Variants in JAK1 observed in about 807,000 individuals in gnomAD.
The protein encoded by JAK1 is Janus kinase 1.
JAK1 carries 16 observed loss-of-function variants against 136.6 expected under a neutral mutation model. That is an observed-to-expected ratio of 0.12 (90% CI 0.08 to 0.18). JAK1 has a LOEUF of 0.18. JAK1 is among the 10% of genes least tolerant of loss of function. The pLI is 1.00. For missense variants in JAK1, 859 were observed against 1,450.1 expected, an observed-to-expected ratio of 0.59 and a Z score of 6.62; for synonymous variants, 492 against 519.5, an observed-to-expected ratio of 0.95 and a Z score of 0.72.
At chr1:64,848,729 G>A (rs1446299223) in intron 12 of JAK1, among the ~76,000 whole-genome samples, 4 of 152,150 alleles carry the variant, frequency 2.6e-5, no homozygotes, top group Non-Finnish European at 4.4e-5. Flanking sequence ...CACAAAACTT[G>A]TAAACTGAAG....
intron 1 of JAK1, among the ~76,000 whole-genome samples, chr1:64,890,713 G>A (rs1342898436): frequency 2.0e-5 from 3 of 152,170 alleles, no homozygotes; most frequent in Non-Finnish European, 2.9e-5. Flanking sequence ...AGGTATTGAC[G>A]CAATATAAAA....
chr1:64,927,276 C>T (rs1331055549), intron 1 of JAK1, among the ~76,000 whole-genome samples: 3 of 152,198 alleles, frequency 2.0e-5, no homozygotes, highest in Non-Finnish European at 4.4e-5. Flanking sequence ...CCTCAGGGCA[C>T]TTATGACAGC....
At position 64,833,338 on chromosome 1, in the gene JAK1, G is replaced by T. The variant is rs568965650; in HGVS notation, c.*1224C>A. The T allele has an allele frequency of 2.1e-5, 5 of 232,644 alleles. No homozygotes were observed. Among genetic ancestry groups the T allele is most frequent in the African/African-American group, 1.1e-4 (5 of 45,362 alleles). 14.4% of individuals were successfully genotyped at this position (232,644 alleles called of 1,614,324 possible). A position where few individuals can be genotyped will look rare whatever the true frequency, so the allele number is the denominator to read the frequency against. On this transcript the variant is annotated 3_prime_UTR_variant, in exon 25 of 25. Coordinates refer to ENST00000342505, the MANE Select transcript of JAK1 (RefSeq NM_002227.4). The stretch of plus-strand genomic sequence containing the variant: ...ATGTAGGCTATGAACAAATTTAAAT[G>T]GCAACTTCATTGCTGCCACTGAACC...
At chr1:64,865,520 A>C (rs995358828) in intron 7 of JAK1, among the ~76,000 whole-genome samples, 28 of 152,352 alleles carry the variant, frequency 1.8e-4, no homozygotes, top group African/African-American at 6.7e-4. Flanking sequence ...TGAGCCCTGG[A>C]GACCAGAGAT....
At chr1:65,026,489 C>T (rs1646978655) in intron 2 of JAK1, among the ~76,000 whole-genome samples, 1 of 152,112 alleles carries the variant, frequency 6.6e-6, no homozygotes, top group African/African-American at 2.4e-5. Flanking sequence ...AAGCACGCTG[C>T]CCCCCTGGAT....
intron 1 of JAK1, among the ~76,000 whole-genome samples, chr1:64,906,482 A>T (rs1645192580): frequency 6.6e-6 from 1 of 152,054 alleles, no homozygotes; most frequent in Non-Finnish European, 1.5e-5. Flanking sequence ...TTGTAGAAGC[A>T]AAACCCCCCA....
rs539015430 is a variant in JAK1, at chr1:64,984,634, G to A, written c.-78+59846C>T. ...GACATTGGTGGTGGTCTCCTTAGCAGGCTGGATACTGTTCATCTCCATGAC... is the reference window on the plus strand; with the variant it reads ...GACATTGGTGGTGGTCTCCTTAGCAAGCTGGATACTGTTCATCTCCATGAC... On this transcript the variant is annotated intron_variant, in intron 2 of 25. Coordinates refer to the JAK1 transcript ENST00000671954. The surrounding 1 kb of genome is among the most constrained non-coding windows in gnomAD (Gnocchi z 4.1). 4 of 502,018 alleles carry A rather than the reference G, an allele frequency of 8.0e-6. No individual in the cohort carries two copies. The highest frequency in any genetic ancestry group is 1.5e-5 in the Non-Finnish European group (4 of 263,796). 31.1% of individuals were successfully genotyped at this position (502,018 alleles called of 1,614,324 possible). A position where few individuals can be genotyped will look rare whatever the true frequency, so the allele number is the denominator to read the frequency against.
At chr1:64,866,625 CTAT>C (rs1322421904) in intron 7 of JAK1, among the ~76,000 whole-genome samples, 1 of 152,128 alleles carries the variant, frequency 6.6e-6, no homozygotes, top group South Asian at 2.1e-4. Flanking sequence ...GAACTATCTG[CTAT>C]TATTATTATA....
chr1:65,039,114 A>G (rs1252656744), intron 2 of JAK1, among the ~76,000 whole-genome samples: 1 of 152,224 alleles, frequency 6.6e-6, no homozygotes, highest in East Asian at 1.9e-4. Flanking sequence ...ACACACATAC[A>G]TATTAACCTC....
intron 9 of JAK1, 124 bp downstream of exon 9, chr1:64,859,981 G>T: frequency 1.3e-6 from 1 of 765,706 alleles, no homozygotes; most frequent in Non-Finnish European, 2.0e-6. Context: ...GAGGAAAGGA[G>T]GACAGCCAAC....
intron 1 of JAK1, among the ~76,000 whole-genome samples, chr1:64,897,509 AG>A (rs1557673513): frequency 0.026 from 5 of 190 alleles, no homozygotes; most frequent in Non-Finnish European, 0.04. Context: ...AGGAGGGGGG[AG>A]GGGGAGGGGG....
At chr1:64,879,188 G>C in intron 3 of JAK1, 40 bp from the exon 4 acceptor site, 1 of 1,611,132 alleles carries the variant, frequency 6.2e-7, no homozygotes, top group Non-Finnish European at 8.5e-7. Flanking sequence ...AATCAAGGCG[G>C]ATACATTTGG....
At chr1:64,898,725 AAC>A (rs946208822) in intron 1 of JAK1, among the ~76,000 whole-genome samples, 11 of 152,182 alleles carry the variant, frequency 7.2e-5, no homozygotes, top group African/African-American at 1.9e-4. Context: ...CATCCAGTTA[AAC>A]AGTCTCCAGG....
At chr1:64,839,535 G>T in intron 20 of JAK1, 68 bp downstream of exon 20, 2 of 1,413,534 alleles carry the variant, frequency 1.4e-6, no homozygotes, top group Non-Finnish European at 1.9e-6. Context: ...TGCCTGTTTT[G>T]CACTGGCCTT....
chr1:64,921,367 A>G (rs769489475), intron 1 of JAK1, among the ~76,000 whole-genome samples: 1 of 152,194 alleles, frequency 6.6e-6, no homozygotes, highest in African/African-American at 2.4e-5. Context: ...CTTTCTGCAC[A>G]GCCACCTAGA....
intron 4 of JAK1, among the ~76,000 whole-genome samples, chr1:64,875,240 G>A (rs890931600): frequency 3.9e-5 from 6 of 152,204 alleles, no homozygotes; most frequent in African/African-American, 1.4e-4. Flanking sequence ...CCAAGGAAGG[G>A]AAGCTGGAAC....
intron 1 of JAK1, among the ~76,000 whole-genome samples, chr1:65,047,641 C>A (rs957386984): frequency 1.3e-5 from 2 of 151,956 alleles, no homozygotes; most frequent in African/African-American, 2.4e-5. Flanking sequence ...ATGGCGTGAA[C>A]CTGGGAGGCG....
Position 65,018,487 on chromosome 1 carries a change from A to AACACACACACAC in JAK1, c.-78+25981_-78+25992dup, listed in dbSNP as rs556710090. On this transcript the variant is annotated intron_variant, in intron 2 of 25. Coordinates refer to the JAK1 transcript ENST00000671954. ...CAGAGAGAGAGAGAGAGAGAGAGAG[A>AACACACACACAC]ACACACACACACACACACACACACA... Among the ~76,000 whole-genome samples, 15 of 96,050 alleles carry AACACACACACAC rather than the reference A, an allele frequency of 1.6e-4. 1 individual carries two copies. The highest frequency in any genetic ancestry group is 5.3e-4 in the Admixed American group (4 of 7,578). 63.0% of individuals were successfully genotyped at this position (96,050 alleles called of 152,430 possible).
chr1:64,988,482 C>G (rs77222945), intron 2 of JAK1, among the ~76,000 whole-genome samples: 1,623 of 152,114 alleles, frequency 0.011, 29 homozygotes, highest in African/African-American at 0.036. Context: ...CCTGTCCCCC[C>G]CATAGAAACT....
Sources: allele counts gnomAD v4.1 joint callset (sites outside exome capture counted in the v4.1 genomes callset), GRCh38; gene constraint gnomAD v4.1.1; non-coding constraint Gnocchi (gnomAD v3.1); transcripts MANE v1.5; gene names NCBI Gene and HGNC (gene_info 2026-07-23, HGNC 2026-07-21).